COP1: variants seen among roughly 807,000 people sequenced by gnomAD.
COP1 encodes the protein COP1 E3 ubiquitin ligase, also known as E3 ubiquitin-protein ligase COP1.
COP1 carries 24 observed loss-of-function variants against 101.3 expected under a neutral mutation model. That is an observed-to-expected ratio of 0.24 (90% confidence interval 0.17 to 0.33). COP1 has a LOEUF of 0.33. COP1 is among the 10% of genes least tolerant of loss of function. The pLI, the probability that COP1 is intolerant of heterozygous loss-of-function variation, is 1.00. For synonymous variants in COP1, 347 were observed against 341.9 expected (o/e 1.01, Z -0.17); for missense variants, 663 against 906.2 (o/e 0.73, Z 3.45).
intron 15 of COP1, among the ~76,000 whole-genome samples, chr1:175,992,077 T>C (rs916014177): frequency 7.2e-5 from 11 of 152,214 alleles, no homozygotes; most frequent in African/African-American, 2.7e-4. Flanking sequence ...TTTTTGAACA[T>C]TTTTAATTTT....
intron 15 of COP1, among the ~76,000 whole-genome samples, chr1:175,991,765 T>A (rs1658547212): frequency 6.6e-6 from 1 of 152,134 alleles, no homozygotes; most frequent in South Asian, 2.1e-4. Context: ...AAACAGAAAG[T>A]TAGCCTAGGT....
rs61821024 is a variant in COP1 at position 176,127,057 on chromosome 1, T to C, written c.968+7953A>G. On this transcript the variant is annotated intron_variant, in intron 8 of 19. Transcript: ENST00000367669. ...AGGGTCTGTCATATTCACAAATATATCCCAGCGCCTAACAGTGTTTTTTAA... is the reference window on the plus strand; with the variant it reads ...AGGGTCTGTCATATTCACAAATATACCCCAGCGCCTAACAGTGTTTTTTAA... 2.9e-3 allele frequency among the ~76,000 whole-genome samples: 442 copies of C among 152,244 alleles called. 3 individuals are homozygous for C. The highest frequency in any genetic ancestry group is 4.8e-3 in the Non-Finnish European group (329 of 68,004).
intron 18 of COP1, among the ~76,000 whole-genome samples, chr1:175,953,003 T>C (rs2861629): frequency 0.86 from 131,410 of 152,214 alleles, 58,807 homozygotes; most frequent in Non-Finnish European, 0.98. Flanking sequence ...TTTTAAGTTT[T>C]TTTAAAAGAT....
intron 1 of COP1, among the ~76,000 whole-genome samples, chr1:176,191,607 C>A (rs1442439090): frequency 6.6e-6 from 1 of 151,866 alleles, no homozygotes; most frequent in Non-Finnish European, 1.5e-5. Flanking sequence ...AAATAATAAA[C>A]CTCAAACTCT....
At chr1:176,029,370 T>G (rs1387908628) in intron 14 of COP1, among the ~76,000 whole-genome samples, 1 of 152,124 alleles carries the variant, frequency 6.6e-6, no homozygotes, top group African/African-American at 2.4e-5. Context: ...TAGGTCTGAT[T>G]TGAAAGCAGA....
chr1:176,024,476 T>TA (rs1452294729), intron 15 of COP1, among the ~76,000 whole-genome samples: 2 of 152,010 alleles, frequency 1.3e-5, no homozygotes, highest in Admixed American at 6.5e-5. Flanking sequence ...TAGGAACAGA[T>TA]AAAAAATTAC....
At chr1:176,093,611 G>T (rs1021248180) in intron 9 of COP1, among the ~76,000 whole-genome samples, 1 of 152,032 alleles carries the variant, frequency 6.6e-6, no homozygotes, top group African/African-American at 2.4e-5. Flanking sequence ...AGGCCGAGGT[G>T]GGCAGATCAC....
chr1:176,006,492 G>A (rs1157115645), intron 15 of COP1, among the ~76,000 whole-genome samples: 2 of 152,338 alleles, frequency 1.3e-5, no homozygotes, highest in Middle Eastern at 3.4e-3. Context: ...GGTATGGGTT[G>A]TTCCTTTTCA....
chr1:176,085,739 T>C (rs770317848), intron 10 of COP1, 37 bp downstream of exon 10: 12 of 1,236,564 alleles, frequency 9.7e-6, no homozygotes, highest in East Asian at 2.4e-5. Flanking sequence ...ATCTGAAATG[T>C]AGATTTCAGA....
chr1:176,078,494 A>G (rs1174146402), intron 11 of COP1, among the ~76,000 whole-genome samples: 2 of 152,208 alleles, frequency 1.3e-5, no homozygotes, highest in Non-Finnish European at 2.9e-5. Flanking sequence ...ACAATAACTC[A>G]AGATCAATCA....
chr1:176,173,986 C>CAAGAAAAAAA (rs1696537538), intron 3 of COP1, among the ~76,000 whole-genome samples: 1 of 49,062 alleles, frequency 2.0e-5, no homozygotes, highest in Non-Finnish European at 3.8e-5. Flanking sequence ...GATGCTGTCT[C>CAAGAAAAAAA]AAAAAAAAAA....
chr1:176,001,987 T>A (rs1158128669), intron 15 of COP1, among the ~76,000 whole-genome samples: 2 of 152,262 alleles, frequency 1.3e-5, no homozygotes, highest in South Asian at 2.1e-4. Flanking sequence ...TGAGGATCCC[T>A]GGTACTTGCT....
chr1:176,118,378 C>T (rs979001836), intron 8 of COP1, among the ~76,000 whole-genome samples: 17 of 151,376 alleles, frequency 1.1e-4, no homozygotes, highest in African/African-American at 4.1e-4. Context: ...TTAATGGGTA[C>T]AAACATAAAA....
chr1:176,174,366 T>G (rs530159956), intron 3 of COP1, among the ~76,000 whole-genome samples: 1 of 152,166 alleles, frequency 6.6e-6, no homozygotes, highest in Non-Finnish European at 1.5e-5. Flanking sequence ...CCCTATTATC[T>G]AAACTAGGCC....
intron 9 of COP1, among the ~76,000 whole-genome samples, chr1:176,098,583 A>G (rs1682836447): frequency 6.6e-6 from 1 of 152,258 alleles, no homozygotes; most frequent in Non-Finnish European, 1.5e-5. Flanking sequence ...TCAAAAAGGC[A>G]TTATATGGTT....
At chr1:176,127,731 G>A (rs1003749432) in intron 8 of COP1, among the ~76,000 whole-genome samples, 3 of 152,082 alleles carry the variant, frequency 2.0e-5, no homozygotes, top group African/African-American at 7.2e-5. Flanking sequence ...TTTTTTCATA[G>A]TGATTTTATT....
chr1:176,116,514 T>C, intron 9 of COP1, 110 bp downstream of exon 9: 1 of 835,906 alleles, frequency 1.2e-6, no homozygotes, highest in South Asian at 1.6e-5. Flanking sequence ...CACCACTGCA[T>C]TCAAAATGGT....
intron 2 of COP1, among the ~76,000 whole-genome samples, chr1:176,180,628 G>C (rs1280527619): frequency 2.6e-5 from 4 of 152,066 alleles, no homozygotes; most frequent in African/African-American, 9.7e-5. Context: ...TTTCTCTATA[G>C]ATGTATATGG....
At chr1:175,970,239 G>T (rs1330116266) in intron 18 of COP1, among the ~76,000 whole-genome samples, 1 of 152,144 alleles carries the variant, frequency 6.6e-6, no homozygotes, top group African/African-American at 2.4e-5. Context: ...AGAAACCAAG[G>T]AGATAAAATG....
Sources: gnomAD v4.1 joint callset for allele counts (sites outside exome capture counted in the v4.1 genomes callset) on GRCh38, gnomAD v4.1.1 for gene constraint, MANE v1.5 for transcripts, NCBI Gene and HGNC (gene_info 2026-07-23, HGNC 2026-07-21) for gene names.